Variants in ZAN observed in about 807,000 individuals in gnomAD.
ZAN encodes the protein zonadhesin (gene/pseudogene).
A neutral mutation model predicts 286.2 loss-of-function variants in ZAN; 260 were observed. The observed-to-expected ratio is 0.91, with a 90% CI of 0.82 to 1.01. The LOEUF (loss-of-function observed/expected upper bound fraction) is 1.01. ZAN is among the 50% of genes least tolerant of loss of function. The pLI is 0.00. For synonymous variants in ZAN, 1,368 were observed against 1,417.5 expected, an observed-to-expected ratio of 0.97 and a Z score of 0.79; for missense variants, 3,410 against 3,639.2, an observed-to-expected ratio of 0.94 and a Z score of 1.62.
intron 17 of ZAN, among the ~76,000 whole-genome samples, chr7:100,759,267 A>C (rs1455242579): frequency 6.6e-6 from 1 of 151,744 alleles, no homozygotes; most frequent in Non-Finnish European, 1.5e-5. Context: ...TCAGCTGGGT[A>C]TGGTGGGACA....
chr7:100,749,713 C>T lies in ZAN; in HGVS notation c.1250-912C>T, dbSNP rs868764911. 4.4e-3 allele frequency among the ~76,000 whole-genome samples: 520 copies of T among 117,268 alleles called. 1 individual carries two copies. The highest frequency in any genetic ancestry group is 6.8e-3 in the Non-Finnish European group (380 of 55,668). The allele number at this position is 117,268 out of a possible 152,430, so 76.9% of individuals were successfully genotyped here. ...ATATATATACACACATATATATATA[C>T]ACACACACACATATATATATATAAA... On this transcript the variant is annotated intron_variant, in intron 11 of 47. Transcript: ENST00000613979.
At chr7:100,758,782 C>T (rs1809342401) in intron 17 of ZAN, 132 bp downstream of exon 17, 1 of 1,417,164 alleles carries the variant, frequency 7.1e-7, no homozygotes. Context: ...GCAAGTTCTT[C>T]TGTAAGGTGA....
At position 100,758,257 on chromosome 7, in the gene ZAN, GC is replaced by G; in HGVS notation, c.3366del (p.Ser1123ValfsTer74). ...NCTEHCRCWP[G>X]SRVECQISQC... ...ACAGAACATTGCCGCTGCTGGCCCG[GC>G]AGTCGGGTCGAGTGCCAGATCTCTC... On this transcript the variant is annotated frameshift_variant, in exon 16 of 48. Coordinates refer to ENST00000613979, the MANE Select transcript of ZAN (RefSeq NM_003386.3). LOFTEE classifies it high-confidence loss of function. 1 of 1,613,434 alleles carries G rather than the reference GC, an allele frequency of 6.2e-7. No homozygotes were observed. Among genetic ancestry groups the G allele is most frequent in the Non-Finnish European group, 8.5e-7 (1 of 1,179,878 alleles).
In ZAN at chr7:100,752,271, A is replaced by G; in HGVS notation, c.2166A>G (p.Glu722=). The G allele has an allele frequency of 6.4e-7, 1 of 1,554,046 alleles. No homozygotes were observed. Among genetic ancestry groups the G allele is most frequent in the South Asian group, 1.2e-5 (1 of 85,572 alleles). ...ISPEKPTIPT[E]KPTIPTEKST... is the part of the protein sequence containing the mutation. ...CAGAAAAACCCACCATCCCCACAGA[A>G]AAACCCACCATCCCCACAGAAAAAT... The change falls in exon 14 of 48, where the codon GAA becomes GAG. Residue 722 remains glutamate (E), a synonymous_variant. Coordinates refer to ENST00000613979, the MANE Select transcript of ZAN (RefSeq NM_003386.3).
intron 42 of ZAN, 120 bp downstream of exon 42, chr7:100,792,599 C>T: frequency 3.3e-6 from 5 of 1,520,382 alleles, no homozygotes; most frequent in Non-Finnish European, 4.4e-6. Context: ...TCCACCTCTG[C>T]TGAACGCTCT....
chr7:100,737,947 T>C lies in ZAN; in HGVS notation c.614-514T>C, dbSNP rs1365946515. 3.6e-5 allele frequency among the ~76,000 whole-genome samples: 5 copies of C among 137,104 alleles called. 1 individual carries two copies. The highest frequency in any genetic ancestry group is 8.1e-5 in the Non-Finnish European group (5 of 61,618). The allele number at this position is 137,104 out of a possible 152,430, so 89.9% of individuals were successfully genotyped here. A position where few individuals can be genotyped will look rare whatever the true frequency, so the allele number is the denominator to read the frequency against. On this transcript the variant is annotated intron_variant, in intron 6 of 47. Transcript: ENST00000613979. ...GGAGACCCCCATCTCTACAAAAGAA[T>C]TTATTTATTTATTTATTTATTTATT...
rs1033620815 is a variant in ZAN, at chr7:100,779,647, C to T, written c.6519C>T (p.Phe2173=). 11 of 1,587,006 alleles carry T rather than the reference C, an allele frequency of 6.9e-6. No homozygotes were observed. In the African/African-American group the frequency reaches 1.2e-4, roughly 17 times the overall value. The change falls in exon 35 of 48, where the codon TTC becomes TTT. Residue 2173 remains phenylalanine, a synonymous_variant. Coordinates refer to ENST00000613979, the MANE Select transcript of ZAN (RefSeq NM_003386.3). ...ACTGTGCAAACACCCTCTGTGAGTT[C>T]GGAGGTCTCTACCAGGCCCTCTGCC... is the stretch of plus-strand genomic sequence containing the variant. The part of the protein sequence containing the change: ...LVDCANTLCE[F]GGLYQALCQA...
In ZAN at chr7:100,734,647, T is replaced by G. The variant is rs148340170; in HGVS notation, c.53+426T>G. On this transcript the variant is annotated intron_variant, in intron 2 of 47. Coordinates refer to ENST00000613979, the MANE Select transcript of ZAN (RefSeq NM_003386.3). ...AAAAAAAAAACAAAAAAAAAGACCTTGAGAGGAAGGGGGAAACCCGGTGGG... is the reference window on the plus strand; with the variant it reads ...AAAAAAAAAACAAAAAAAAAGACCTGGAGAGGAAGGGGGAAACCCGGTGGG... 7.1e-3 allele frequency among the ~76,000 whole-genome samples: 961 copies of G among 135,552 alleles called. 118 individuals carry two copies. Among genetic ancestry groups the G allele is most frequent in the African/African-American group, 0.024 (885 of 37,130 alleles). 88.9% of individuals were successfully genotyped at this position (135,552 alleles called of 152,430 possible).
intron 2 of ZAN, 38 bp downstream of exon 2, chr7:100,734,259 A>G (rs1428152123): frequency 7.6e-7 from 1 of 1,323,142 alleles, no homozygotes; most frequent in African/African-American, 1.5e-5. Flanking sequence ...AACCAGGGTC[A>G]GCTGAGGGTG....
At chr7:100,789,965 T>A (rs1003206198) in intron 39 of ZAN, among the ~76,000 whole-genome samples, 4 of 151,062 alleles carry the variant, frequency 2.6e-5, no homozygotes, top group African/African-American at 4.9e-5. Context: ...TTTTTTTTTT[T>A]AAATGAGACA....
In ZAN at chr7:100,784,603, A is replaced by G; in HGVS notation, c.6623-20A>G. The G allele has an allele frequency of 6.2e-7, 1 of 1,612,086 alleles. No homozygotes were observed. The highest frequency in any genetic ancestry group is 8.5e-7 in the Non-Finnish European group (1 of 1,179,318). On this transcript the variant is annotated intron_variant, in intron 35 of 47. Coordinates refer to ENST00000613979, the MANE Select transcript of ZAN (RefSeq NM_003386.3). ...CCCCTGTGACCCTCTCCACTGACCC[A>G]CTGTCTCCTTCACCCACAGCTCTGG... is the stretch of plus-strand genomic sequence containing the variant.
chr7:100,791,823 G>C (rs1400376551), intron 40 of ZAN, 143 bp from the exon 41 acceptor site: 2 of 980,356 alleles, frequency 2.0e-6, no homozygotes, highest in Non-Finnish European at 3.0e-6. Flanking sequence ...CACCTCCTGG[G>C]CTCAAGTCAT....
At chr7:100,782,432 G>A (rs781144970) in intron 35 of ZAN, among the ~76,000 whole-genome samples, 62 of 152,016 alleles carry the variant, frequency 4.1e-4, no homozygotes, top group Non-Finnish European at 7.4e-4. Context: ...GGGTTCAAGC[G>A]ATTCTCCTGC....
At chr7:100,760,287 C>T (rs929825921) in intron 18 of ZAN, 104 bp from the exon 19 acceptor site, 38 of 1,447,240 alleles carry the variant, frequency 2.6e-5, no homozygotes, top group Non-Finnish European at 3.2e-5. Context: ...ATTGTTAGGC[C>T]GCTGTGGATG....
At chr7:100,768,748 C>T (rs763579328) in intron 27 of ZAN, 27 bp downstream of exon 27, 28 of 1,558,266 alleles carry the variant, frequency 1.8e-5, no homozygotes, top group Non-Finnish European at 6.1e-6. Context: ...GGGAGCCAGG[C>T]AGGAGGGGCT....
At chr7:100,746,976 C>T (rs902707060) in intron 8 of ZAN, among the ~76,000 whole-genome samples, 3 of 152,112 alleles carry the variant, frequency 2.0e-5, no homozygotes, top group Admixed American at 6.6e-5. Flanking sequence ...CCCAGCTACA[C>T]GGGAGGCTGA....
In ZAN at chr7:100,752,230, AAACCCACC is replaced by A; in HGVS notation, c.2127_2134del (p.Lys709AsnfsTer95). On this transcript the variant is annotated frameshift_variant, in exon 14 of 48. Coordinates refer to ENST00000613979, the MANE Select transcript of ZAN (RefSeq NM_003386.3). LOFTEE classifies it high-confidence loss of function. ...GGAAGAGACTATCATCTCCACAGAA[AAACCCACC>A]ATCTCCCCAGAAAAACCCACCATCC... 1 of 1,609,644 alleles carries A rather than the reference AAACCCACC, an allele frequency of 6.2e-7. No individual in the cohort carries two copies.
chr7:100,773,948 A>G (rs1810581078), intron 31 of ZAN, 83 bp downstream of exon 31: 2 of 1,507,146 alleles, frequency 1.3e-6, no homozygotes, highest in Non-Finnish European at 1.8e-6. Flanking sequence ...TGCTGCCTGT[A>G]GCACTGGGTT....
intron 5 of ZAN, 31 bp downstream of exon 5, chr7:100,737,111 G>A: frequency 6.8e-7 from 1 of 1,476,898 alleles, no homozygotes; most frequent in Non-Finnish European, 9.2e-7. Context: ...TGGGACCTCG[G>A]GGGGGAGTCT....
Sources: gnomAD v4.1 joint callset for allele counts (sites outside exome capture counted in the v4.1 genomes callset) on GRCh38, gnomAD v4.1.1 for gene constraint, MANE v1.5 for transcripts, NCBI Gene and HGNC (gene_info 2026-07-23, HGNC 2026-07-21) for gene names.